The following PCDH9 variants were observed in gnomAD, a reference collection of about 807,000 sequenced individuals.
PCDH9 encodes the protein protocadherin 9.
In PCDH9, 24 loss-of-function variants were observed where a neutral mutation model predicts 70.6. The ratio of observed to expected loss-of-function variants is 0.34; its 90% CI spans 0.25 to 0.48. PCDH9 has a LOEUF of 0.48. Among genes scored for constraint, PCDH9 ranks in the 20% least tolerant of loss-of-function variants. The pLI, the probability that PCDH9 is intolerant of heterozygous loss-of-function variation, is 0.99. For missense variants in PCDH9, 1,281 were observed against 1,503.6 expected, an observed-to-expected ratio of 0.85 and a Z score of 2.45; for synonymous variants, 562 against 558.5, an observed-to-expected ratio of 1.01 and a Z score of -0.09.
At chr13:66,450,786 C>T (rs1296941021) in intron 4 of PCDH9, among the ~76,000 whole-genome samples, 7 of 152,124 alleles carry the variant, frequency 4.6e-5, no homozygotes, top group Non-Finnish European at 7.4e-5. Context: ...GAGGCCGAGG[C>T]GGGCAGATCA....
intron 3 of PCDH9, among the ~76,000 whole-genome samples, chr13:66,845,062 A>G (rs1346782912): frequency 6.6e-6 from 1 of 151,972 alleles, no homozygotes; most frequent in Non-Finnish European, 1.5e-5. Flanking sequence ...GTGGGCCTGA[A>G]AAAAGAGCCA....
intron 3 of PCDH9, among the ~76,000 whole-genome samples, chr13:66,746,958 ATTT>A (rs1442879486): frequency 6.6e-6 from 1 of 151,922 alleles, no homozygotes; most frequent in Non-Finnish European, 1.5e-5. Context: ...ATTTCTTGCT[ATTT>A]TTTCCTAAAT....
chr13:66,891,161 G>T (rs544227047), intron 3 of PCDH9, among the ~76,000 whole-genome samples: 18 of 152,024 alleles, frequency 1.2e-4, no homozygotes, highest in Admixed American at 9.2e-4. Context: ...CTGCTGCATA[G>T]TATTATATTG....
At chr13:66,877,783 T>C (rs2081844570) in intron 3 of PCDH9, among the ~76,000 whole-genome samples, 1 of 152,200 alleles carries the variant, frequency 6.6e-6, no homozygotes, top group African/African-American at 2.4e-5. Flanking sequence ...AGAACCTACA[T>C]TTTTTCTTTT....
At chr13:66,405,493 T>G (rs1186120884) in intron 4 of PCDH9, among the ~76,000 whole-genome samples, 1 of 152,184 alleles carries the variant, frequency 6.6e-6, no homozygotes, top group Non-Finnish European at 1.5e-5. Context: ...GAACATAAAG[T>G]GTTTTTATCC....
chr13:66,667,671 G>T (rs1377690316), intron 3 of PCDH9, among the ~76,000 whole-genome samples: 2 of 152,020 alleles, frequency 1.3e-5, no homozygotes, highest in East Asian at 3.9e-4. Context: ...ATTTGAACTT[G>T]ATCTTTTTGC....
At position 66,668,603 on chromosome 13, in the gene PCDH9, T is replaced by C. The variant is rs560669202; in HGVS notation, c.3139-37192A>G. Among the ~76,000 whole-genome samples the C allele has an allele frequency of 2.0e-5, 3 of 152,322 alleles. No individual in the cohort carries two copies. In the South Asian group the frequency reaches 6.2e-4, roughly 32 times the overall value. On this transcript the variant is annotated intron_variant, in intron 3 of 4. Coordinates refer to ENST00000377865, the MANE Select transcript of PCDH9 (RefSeq NM_203487.3). ...CTTGTTTGATTTAAGCAATTCATAG[T>C]AAGATGTGAAAATCTTGGTGAAATA...
chr13:67,173,211 C>T (rs538252885), intron 2 of PCDH9, among the ~76,000 whole-genome samples: 4 of 152,230 alleles, frequency 2.6e-5, no homozygotes, highest in Non-Finnish European at 5.9e-5. Context: ...AGGTTATCCA[C>T]ATTAAGATAA....
chr13:66,754,744 C>A (rs773673188), intron 3 of PCDH9, among the ~76,000 whole-genome samples: 7 of 152,022 alleles, frequency 4.6e-5, no homozygotes, highest in Non-Finnish European at 7.4e-5. Flanking sequence ...AAACTTTAGT[C>A]GTTCCTAGAT....
At chr13:66,625,939 A>C (rs1395924481) in intron 4 of PCDH9, among the ~76,000 whole-genome samples, 1 of 152,096 alleles carries the variant, frequency 6.6e-6, no homozygotes, top group Non-Finnish European at 1.5e-5. Flanking sequence ...GCTGTGATTA[A>C]AGATGTGAGC....
At chr13:66,978,025 C>T (rs2083657181) in intron 2 of PCDH9, among the ~76,000 whole-genome samples, 1 of 152,200 alleles carries the variant, frequency 6.6e-6, no homozygotes, top group South Asian at 2.1e-4. Context: ...CTTTAAAGCC[C>T]TTTCGTAAGT....
At chr13:66,698,620 C>T (rs186736647) in intron 3 of PCDH9, among the ~76,000 whole-genome samples, 2 of 152,014 alleles carry the variant, frequency 1.3e-5, no homozygotes, top group East Asian at 3.9e-4. Flanking sequence ...GCTCTGTCAC[C>T]CAAGCTGGAG....
intron 2 of PCDH9, among the ~76,000 whole-genome samples, chr13:66,908,366 T>C (rs2082399546): frequency 6.6e-6 from 1 of 152,218 alleles, no homozygotes; most frequent in Admixed American, 6.5e-5. Flanking sequence ...TTCGTGTTGT[T>C]GTCAAAACTG....
intron 4 of PCDH9, among the ~76,000 whole-genome samples, chr13:66,539,385 T>C (rs1293091428): frequency 6.6e-6 from 1 of 152,098 alleles, no homozygotes; most frequent in Admixed American, 6.6e-5. Context: ...GAATCATGGG[T>C]GTGGTTACCA....
At chr13:66,647,367 G>A (rs2077785835) in intron 3 of PCDH9, among the ~76,000 whole-genome samples, 1 of 152,100 alleles carries the variant, frequency 6.6e-6, no homozygotes, top group Non-Finnish European at 1.5e-5. Context: ...AACCATAGTA[G>A]GATAGAGCAC....
intron 2 of PCDH9, among the ~76,000 whole-genome samples, chr13:67,060,388 C>G (rs1195921761): frequency 2.0e-5 from 3 of 152,178 alleles, no homozygotes; most frequent in East Asian, 3.9e-4. Flanking sequence ...AGCTTCAACT[C>G]TAGGATTTCT....
intron 4 of PCDH9, among the ~76,000 whole-genome samples, chr13:66,361,777 A>G (rs997403380): frequency 3.9e-5 from 6 of 152,188 alleles, no homozygotes; most frequent in Non-Finnish European, 8.8e-5. Flanking sequence ...AAAGCGGTAT[A>G]TGTTATATAA....
At chr13:66,526,852 T>C (rs9529084) in intron 4 of PCDH9, among the ~76,000 whole-genome samples, 88,486 of 151,988 alleles carry the variant, frequency 0.58, 25,961 homozygotes, top group East Asian at 0.66. Flanking sequence ...TACTTATACA[T>C]GATAAACCTA....
Position 66,437,404 on chromosome 13 carries a change from C to CAAAGAAAAAA in PCDH9, c.3341-132377_3341-132376insTTTTTTCTTT, listed in dbSNP as rs758826196. Among the ~76,000 whole-genome samples the CAAAGAAAAAA allele has an allele frequency of 8.8e-4, 40 of 45,576 alleles. 3 individuals are homozygous for CAAAGAAAAAA. Among genetic ancestry groups the CAAAGAAAAAA allele is most frequent in the African/African-American group, 2.7e-3 (40 of 14,548 alleles). 29.9% of individuals were successfully genotyped at this position (45,576 alleles called of 152,430 possible). A position where few individuals can be genotyped will look rare whatever the true frequency, so the allele number is the denominator to read the frequency against. ...TGGGTGACAGAGCAAGACTCTGTCT[C>CAAAGAAAAAA]AAAAAAAAAAAAAAAAAAAAAAGGA... is the stretch of plus-strand genomic sequence containing the variant. On this transcript the variant is annotated intron_variant, in intron 4 of 4. Transcript: ENST00000377865.
Sources: gnomAD v4.1 joint callset for allele counts (sites outside exome capture counted in the v4.1 genomes callset) on GRCh38, gnomAD v4.1.1 for gene constraint, MANE v1.5 for transcripts, NCBI Gene and HGNC (gene_info 2026-07-23, HGNC 2026-07-21) for gene names.